Variants in DNAH9 observed in about 807,000 individuals in gnomAD.
DNAH9 encodes the protein DNAH9 variant protein.
DNAH9 carries 345 observed loss-of-function variants against 471.6 expected under a neutral mutation model. The observed-to-expected ratio is 0.73, with a 90% CI of 0.67 to 0.80. The LOEUF (loss-of-function observed/expected upper bound fraction) is 0.80, where lower values mean the gene tolerates loss of function less well. Ranked by LOEUF, DNAH9 falls within the 30% of genes least tolerant of loss-of-function variation. The pLI is 0.00. For missense variants in DNAH9, 5,407 were observed against 5,609.2 expected, an observed-to-expected ratio of 0.96 and a Z score of 1.15; for synonymous variants, 2,093 against 2,123.6, an observed-to-expected ratio of 0.99 and a Z score of 0.40.
chr17:11,693,203 G>T (rs536328889), intron 20 of DNAH9, among the ~76,000 whole-genome samples: 1 of 144,266 alleles, frequency 6.9e-6, no homozygotes, highest in South Asian at 2.2e-4. Context: ...GTGAGCCACC[G>T]CGCCCAGCTT....
At chr17:11,810,498 A>G in intron 45 of DNAH9, 129 bp downstream of exon 45, 1 of 1,215,728 alleles carries the variant, frequency 8.2e-7, no homozygotes, top group Non-Finnish European at 1.1e-6. Flanking sequence ...TGACACAGCC[A>G]AGGACTGGTT....
chr17:11,780,475 A>C (rs1968627363), intron 38 of DNAH9, among the ~76,000 whole-genome samples: 1 of 152,192 alleles, frequency 6.6e-6, no homozygotes, highest in Non-Finnish European at 1.5e-5. Context: ...TTTGGTAGAG[A>C]GGGCAACTCT....
intron 39 of DNAH9, among the ~76,000 whole-genome samples, chr17:11,781,563 G>A (rs1968666509): frequency 6.6e-6 from 1 of 152,218 alleles, no homozygotes; most frequent in South Asian, 2.1e-4. Flanking sequence ...GCCAGGTGCA[G>A]TGGCTCATGC....
At chr17:11,682,100 G>C (rs1222259473) in intron 19 of DNAH9, among the ~76,000 whole-genome samples, 2 of 152,098 alleles carry the variant, frequency 1.3e-5, no homozygotes, top group African/African-American at 2.4e-5. Context: ...AATCTCTCCA[G>C]GTGATTCTAA....
chr17:11,851,094 T>TTTGTTGTTG lies in DNAH9; in HGVS notation c.9508-2885_9508-2877dup, dbSNP rs139118005. 4.7e-3 allele frequency among the ~76,000 whole-genome samples: 700 copies of TTTGTTGTTG among 148,056 alleles called. 10 individuals carry two copies. Among genetic ancestry groups the TTTGTTGTTG allele is most frequent in the East Asian group, 0.033 (161 of 4,950 alleles). On this transcript the variant is annotated intron_variant, in intron 49 of 68. Transcript: ENST00000262442. ...TGGGGGTCGTTTAAATTGAGGTTGT[T>TTTGTTGTTG]TTGTTGTTGTTGTTGTTGTTGTTGT...
At chr17:11,864,328 G>A (rs913882871) in intron 50 of DNAH9, among the ~76,000 whole-genome samples, 7 of 152,080 alleles carry the variant, frequency 4.6e-5, no homozygotes, top group Admixed American at 3.3e-4. Flanking sequence ...ATAGTTGAGC[G>A]GTTTTGAGTG....
chr17:11,712,096 T>TTGTATA lies in DNAH9; in HGVS notation c.5552+6912_5552+6913insGTATAT, dbSNP rs1324752379. Among the ~76,000 whole-genome samples, 16 of 970 alleles carry TTGTATA rather than the reference T, an allele frequency of 0.016. 7 individuals carry two copies. In the Non-Finnish European group the frequency reaches 0.5, roughly 30 times the overall value. 0.6% of individuals were successfully genotyped at this position (970 alleles called of 152,430 possible). Reference sequence around the variant, plus strand: ...TATATAAATATATTTGTATATATATTTATATATAAATATATATATTTATAT... The same window carrying TTGTATA: ...TATATAAATATATTTGTATATATATTTGTATATATATATAAATATATATATTTATAT... On this transcript the variant is annotated intron_variant, in intron 26 of 68. Coordinates refer to ENST00000262442, the MANE Select transcript of DNAH9 (RefSeq NM_001372.4).
chr17:11,784,311 C>A lies in DNAH9; in HGVS notation c.7833C>A (p.Ser2611Arg), dbSNP rs370257245. The A allele has an allele frequency of 1.2e-6, 2 of 1,614,120 alleles. No homozygotes were observed. The highest frequency in any genetic ancestry group is 1.7e-6 in the Non-Finnish European group (2 of 1,179,996). Residue 2611 changes from serine (S) to arginine (R), a missense_variant, in exon 41 of 69, where the codon AGC becomes AGA. Ser to Arg is a moderately radical substitution (Grantham distance 110). Around this residue, in one of 3 missense-constraint regions of DNAH9, gnomAD observed 4,636 missense variants for 4,900.3 expected, o/e 0.95. Coordinates refer to ENST00000262442, the MANE Select transcript of DNAH9 (RefSeq NM_001372.4). ...TGTTTCCTGTACAGCGTCACTTCAG[C>A]GTGTTTGTCCTCTCCTTCCCGGGGG... ...TINPRLQRHF[S>R]VFVLSFPGAD...
chr17:11,852,056 G>A (rs1971442725), intron 49 of DNAH9, among the ~76,000 whole-genome samples: 1 of 152,100 alleles, frequency 6.6e-6, no homozygotes, highest in Admixed American at 6.6e-5. Flanking sequence ...TCACACCTGT[G>A]CTGCCTACCT....
chr17:11,817,205 A>G (rs1970130112), intron 45 of DNAH9, among the ~76,000 whole-genome samples: 1 of 152,232 alleles, frequency 6.6e-6, no homozygotes, highest in African/African-American at 2.4e-5. Context: ...CCTACATCAC[A>G]AAACAAGTGA....
intron 67 of DNAH9, among the ~76,000 whole-genome samples, chr17:11,959,132 C>T (rs1975865836): frequency 6.6e-6 from 1 of 152,022 alleles, no homozygotes; most frequent in African/African-American, 2.4e-5. Flanking sequence ...GAAATGTCAA[C>T]TTAAAGGATA....
chr17:11,775,317 A>T (rs966790150), intron 38 of DNAH9, among the ~76,000 whole-genome samples: 23 of 152,234 alleles, frequency 1.5e-4, no homozygotes, highest in African/African-American at 5.5e-4. Context: ...TATTAACAAC[A>T]TACTTCTCAA....
chr17:11,881,981 A>G (rs906583885), intron 55 of DNAH9, among the ~76,000 whole-genome samples: 2 of 152,228 alleles, frequency 1.3e-5, no homozygotes, highest in Non-Finnish European at 2.9e-5. Flanking sequence ...TGGCATGAAC[A>G]TGAGTGCTGC....
At chr17:11,769,644 G>T (rs532749661) in intron 38 of DNAH9, among the ~76,000 whole-genome samples, 2 of 152,348 alleles carry the variant, frequency 1.3e-5, no homozygotes, top group African/African-American at 4.8e-5. Context: ...GGAGAGATTT[G>T]CAAGAACTTG....
chr17:11,634,946 A>G (rs964149048), intron 8 of DNAH9, among the ~76,000 whole-genome samples: 1 of 152,134 alleles, frequency 6.6e-6, no homozygotes, highest in Non-Finnish European at 1.5e-5. Context: ...AACCTGAAAT[A>G]AGGAGGTAGG....
chr17:11,631,951 C>T (rs982830093), intron 7 of DNAH9, among the ~76,000 whole-genome samples: 4 of 150,348 alleles, frequency 2.7e-5, no homozygotes, highest in Admixed American at 1.3e-4. Flanking sequence ...TTAGGGTTGC[C>T]AGATAAACTA....
intron 43 of DNAH9, among the ~76,000 whole-genome samples, chr17:11,799,650 G>A (rs1281914704): frequency 2.0e-5 from 3 of 151,646 alleles, no homozygotes; most frequent in African/African-American, 7.3e-5. Flanking sequence ...GCAGTGGTGC[G>A]ATCTCAGCTC....
intron 43 of DNAH9, among the ~76,000 whole-genome samples, chr17:11,804,884 A>G (rs1292630918): frequency 6.6e-6 from 1 of 151,828 alleles, no homozygotes; most frequent in Admixed American, 6.6e-5. Context: ...AAAAAAAAAA[A>G]AAAAAGTTCT....
At chr17:11,630,811 C>G (rs753188561) in intron 7 of DNAH9, among the ~76,000 whole-genome samples, 4 of 152,122 alleles carry the variant, frequency 2.6e-5, no homozygotes, top group Non-Finnish European at 4.4e-5. Context: ...CAAATGGTAA[C>G]TGTGTGAGGT....
Sources: gnomAD v4.1 joint callset for allele counts (sites outside exome capture counted in the v4.1 genomes callset) on GRCh38, gnomAD v4.1.1 for gene constraint, gnomAD v4.1.1 regional missense constraint, MANE v1.5 for transcripts, NCBI Gene and HGNC (gene_info 2026-07-23, HGNC 2026-07-21) for gene names.